The following COLEC12 variants were observed in gnomAD, a reference collection of about 807,000 sequenced individuals.
COLEC12 encodes collectin-12.
In COLEC12, 33 loss-of-function variants were observed where a neutral mutation model predicts 71.1. The ratio of observed to expected loss-of-function variants is 0.46; its 90% CI spans 0.35 to 0.62. COLEC12 has a LOEUF of 0.62. Among genes scored for constraint, COLEC12 ranks in the 20% least tolerant of loss-of-function variants. The pLI is 0.00. For missense variants in COLEC12, 765 were observed against 916.1 expected (o/e 0.84, Z 2.13); for synonymous variants, 350 against 353.0 (o/e 0.99, Z 0.10).
At chr18:478,871 C>CGT (rs1166261299) in intron 2 of COLEC12, among the ~76,000 whole-genome samples, 1 of 151,180 alleles carries the variant, frequency 6.6e-6, no homozygotes, top group Non-Finnish European at 1.5e-5. Context: ...AAGTGGTTAC[C>CGT]ATGTCTCCTG....
In COLEC12 at chr18:346,866, C is replaced by T; in HGVS notation, c.756G>A (p.Lys252=). The part of the protein sequence containing the change: ...QNLQQVFLQA[K]KDTDWLKEKV... ...TCTCCTTCAGCCAATCCGTGTCCTTCTTGGCTTGAAGAAAAACCTGCTGCA... is the reference window on the plus strand; with the variant it reads ...TCTCCTTCAGCCAATCCGTGTCCTTTTTGGCTTGAAGAAAAACCTGCTGCA... Residue 252 remains lysine, a synonymous_variant, in exon 5 of 10, where the codon AAG becomes AAA. Transcript: ENST00000400256. This position sits in a 1 kb window ranked among gnomAD's most constrained non-coding sequence, Gnocchi z 4.0. 1 of 1,614,196 alleles carries T rather than the reference C, an allele frequency of 6.2e-7. No individual in the cohort carries two copies. The highest frequency in any genetic ancestry group is 2.2e-5 in the East Asian group (1 of 44,888).
At chr18:495,684 CG>C (rs1359628114) in intron 1 of COLEC12, among the ~76,000 whole-genome samples, 3 of 152,194 alleles carry the variant, frequency 2.0e-5, no homozygotes. Context: ...GCCTTGTCTA[CG>C]TTGCTCACTC....
At chr18:369,461 T>A (rs201005712) in intron 2 of COLEC12, among the ~76,000 whole-genome samples, 83 of 136,818 alleles carry the variant, frequency 6.1e-4, no homozygotes, top group Non-Finnish European at 9.9e-4. Context: ...TTTTTTTTTT[T>A]ATTATACTTT....
intron 2 of COLEC12, among the ~76,000 whole-genome samples, chr18:379,626 C>G (rs1915188425): frequency 1.3e-5 from 2 of 152,128 alleles, no homozygotes; most frequent in Admixed American, 1.3e-4. Flanking sequence ...AATATAAAAA[C>G]TGTTTCTATT....
intron 2 of COLEC12, among the ~76,000 whole-genome samples, chr18:427,858 G>A (rs968777776): frequency 6.6e-6 from 1 of 152,118 alleles, no homozygotes; most frequent in Admixed American, 6.5e-5. Context: ...TCTGGTGGGC[G>A]TTCTCTTTCT....
At chr18:412,094 G>C (rs1417953523) in intron 2 of COLEC12, among the ~76,000 whole-genome samples, 1 of 152,100 alleles carries the variant, frequency 6.6e-6, no homozygotes. Context: ...CAAGAGAAAT[G>C]AACCTACATA....
At chr18:441,043 T>C (rs1180727620) in intron 2 of COLEC12, among the ~76,000 whole-genome samples, 1 of 150,414 alleles carries the variant, frequency 6.6e-6, no homozygotes, top group Non-Finnish European at 1.5e-5. Flanking sequence ...GGCCAGGAGA[T>C]GGAGACCATC....
intron 2 of COLEC12, among the ~76,000 whole-genome samples, chr18:462,558 C>T (rs1028896540): frequency 6.6e-6 from 1 of 152,124 alleles, no homozygotes; most frequent in African/African-American, 2.4e-5. Context: ...CTAATGGATA[C>T]AAGGGTTCTT....
chr18:478,981 T>C lies in COLEC12; in HGVS notation c.58+1726A>G, dbSNP rs113336201. Among the ~76,000 whole-genome samples the C allele has an allele frequency of 3.3e-3, 506 of 151,874 alleles. 4 individuals are homozygous for C. The highest frequency in any genetic ancestry group is 0.012 in the African/African-American group (482 of 41,338). On this transcript the variant is annotated intron_variant, in intron 2 of 9. Transcript: ENST00000400256. ...ACTGGTAATATGGCTGAGAAATTTA[T>C]AAAAAATTTTCTCTCAAGGTCACCC...
intron 2 of COLEC12, among the ~76,000 whole-genome samples, chr18:435,245 C>A (rs1916381097): frequency 6.6e-6 from 1 of 152,152 alleles, no homozygotes; most frequent in Non-Finnish European, 1.5e-5. Context: ...GAAGAAATAT[C>A]CAAGACTGGG....
intron 3 of COLEC12, among the ~76,000 whole-genome samples, chr18:356,955 G>C (rs893509742): frequency 6.6e-6 from 1 of 152,176 alleles, no homozygotes; most frequent in Non-Finnish European, 1.5e-5. Context: ...AGAGAAAAAA[G>C]GGAATTAGTT....
chr18:446,671 G>A (rs1916660688), intron 2 of COLEC12, among the ~76,000 whole-genome samples: 1 of 151,464 alleles, frequency 6.6e-6, no homozygotes, highest in African/African-American at 2.4e-5. Context: ...AGCACTATTT[G>A]TATAAAATAG....
chr18:352,608 G>T (rs1914548792), intron 3 of COLEC12, among the ~76,000 whole-genome samples: 1 of 152,178 alleles, frequency 6.6e-6, no homozygotes, highest in Non-Finnish European at 1.5e-5. Flanking sequence ...ACATGCACTG[G>T]GGGGTGTGTG....
At chr18:460,688 T>C (rs1469065178) in intron 2 of COLEC12, among the ~76,000 whole-genome samples, 2 of 152,188 alleles carry the variant, frequency 1.3e-5, no homozygotes, top group African/African-American at 4.8e-5. Flanking sequence ...TCTCTAGAAT[T>C]AAGTAATATT....
chr18:372,716 C>T lies in COLEC12; in HGVS notation c.59-15194G>A, dbSNP rs181409070. ...TACAACATGAGCCACCATGCCCGCCCAAAAGAGTGTTGTTTAACTGACACA... is the reference window on the plus strand; with the variant it reads ...TACAACATGAGCCACCATGCCCGCCTAAAAGAGTGTTGTTTAACTGACACA... On this transcript the variant is annotated intron_variant, in intron 2 of 9. Coordinates refer to ENST00000400256, the MANE Select transcript of COLEC12 (RefSeq NM_130386.3). Among the ~76,000 whole-genome samples the T allele has an allele frequency of 4.3e-4, 65 of 152,262 alleles. No individual in the cohort carries two copies. In the East Asian group the frequency reaches 0.012, roughly 27 times the overall value.
At chr18:417,691 A>G (rs931066753) in intron 2 of COLEC12, among the ~76,000 whole-genome samples, 7 of 152,230 alleles carry the variant, frequency 4.6e-5, no homozygotes, top group Non-Finnish European at 8.8e-5. Context: ...CACGATACAC[A>G]GAACAGAAAT....
Position 445,381 on chromosome 18 carries a change from A to G in COLEC12, c.58+35326T>C, listed in dbSNP as rs547291319. 4.6e-5 allele frequency among the ~76,000 whole-genome samples: 7 copies of G among 152,274 alleles called. No individual in the cohort carries two copies. The South Asian group carries it at 1.5e-3, about 32-fold the overall frequency. On this transcript the variant is annotated intron_variant, in intron 2 of 9. Coordinates refer to ENST00000400256, the MANE Select transcript of COLEC12 (RefSeq NM_130386.3). Reference sequence around the variant, plus strand: ...CAAGGCCTCATTTGTTTGAGCCCCAATTATGCCAAATTATGAAATTCTGAT... The same window carrying G: ...CAAGGCCTCATTTGTTTGAGCCCCAGTTATGCCAAATTATGAAATTCTGAT...
At chr18:381,341 G>A (rs757171062) in intron 2 of COLEC12, among the ~76,000 whole-genome samples, 104 of 152,232 alleles carry the variant, frequency 6.8e-4, no homozygotes, top group African/African-American at 1.1e-3. Flanking sequence ...TTCTGTTCAC[G>A]TCAACATAAA....
chr18:372,094 C>T (rs147143822), intron 2 of COLEC12, among the ~76,000 whole-genome samples: 1,914 of 152,216 alleles, frequency 0.013, 21 homozygotes, highest in Non-Finnish European at 0.018. Context: ...CCAGACACTA[C>T]GACCCCACCC....
Sources: gnomAD v4.1 joint callset for allele counts (sites outside exome capture counted in the v4.1 genomes callset) on GRCh38, gnomAD v4.1.1 for gene constraint, Gnocchi (gnomAD v3.1) non-coding constraint, MANE v1.5 for transcripts, NCBI Gene and HGNC (gene_info 2026-07-23, HGNC 2026-07-21) for gene names.